The following TTC7A variants were observed in gnomAD, a reference collection of about 807,000 sequenced individuals.
TTC7A encodes tetratricopeptide repeat protein 7A.
TTC7A carries 110 observed loss-of-function variants against 103.7 expected under a neutral mutation model. The observed-to-expected ratio is 1.06, with a 90% confidence interval of 0.91 to 1.24. The LOEUF (loss-of-function observed/expected upper bound fraction) is 1.24, where lower values mean the gene tolerates loss of function less well. Among genes scored for constraint, TTC7A ranks in the 50% most tolerant of loss-of-function variants. The pLI is 0.00. For missense variants in TTC7A, 1,340 were observed against 1,116.3 expected (o/e 1.20, Z -2.86); for synonymous variants, 521 against 467.9 (o/e 1.11, Z -1.47).
At chr2:47,027,193 A>T (rs1001311080) in intron 14 of TTC7A, among the ~76,000 whole-genome samples, 2 of 152,118 alleles carry the variant, frequency 1.3e-5, no homozygotes, top group African/African-American at 4.8e-5. Flanking sequence ...TGTGGGGGAG[A>T]GGATTCCCTG....
At chr2:47,063,484 C>A (rs773043853) in intron 19 of TTC7A, among the ~76,000 whole-genome samples, 17 of 152,204 alleles carry the variant, frequency 1.1e-4, no homozygotes, top group Non-Finnish European at 1.8e-4. Context: ...TACTAGCTGT[C>A]ATTCTAGGTC....
At chr2:47,041,727 T>C (rs1681770490) in intron 15 of TTC7A, among the ~76,000 whole-genome samples, 1 of 143,802 alleles carries the variant, frequency 7.0e-6, no homozygotes, top group African/African-American at 2.6e-5. Flanking sequence ...CACTCCAGCC[T>C]AGGCAACAAG....
exon 1 of TTC7A, chr2:46,916,553 T>C (rs1668799681): frequency 6.5e-6 from 1 of 153,014 alleles, no homozygotes; most frequent in South Asian, 2.0e-4. Context: ...CTTACACCTG[T>C]GCTCCTATAC....
upstream of TTC7A, chr2:46,915,999 C>G: frequency 2.0e-6 from 2 of 985,456 alleles, no homozygotes; most frequent in Non-Finnish European, 2.4e-6. Flanking sequence ...CCAAGGGCGA[C>G]ACTCGGCTCC....
chr2:47,014,886 T>G (rs916293508), intron 11 of TTC7A, among the ~76,000 whole-genome samples: 1 of 152,362 alleles, frequency 6.6e-6, no homozygotes, highest in African/African-American at 2.4e-5. Flanking sequence ...TCTTCCCACA[T>G]CCTGTCCTCA....
chr2:47,067,382 C>G (rs559208087), intron 19 of TTC7A, among the ~76,000 whole-genome samples: 1 of 152,354 alleles, frequency 6.6e-6, no homozygotes, highest in South Asian at 2.1e-4. Flanking sequence ...GCCTGAGCCC[C>G]ACCTGGGACC....
intron 18 of TTC7A, among the ~76,000 whole-genome samples, chr2:47,055,494 C>G (rs902545813): frequency 6.6e-6 from 1 of 152,168 alleles, no homozygotes; most frequent in Non-Finnish European, 1.5e-5. Context: ...GGGAGAGGCA[C>G]AGAGTCCCAT....
rs1433014819 is a variant in TTC7A at position 46,999,859 on chromosome 2, G to A, written c.1065+4660G>A. On this transcript the variant is annotated intron_variant, in intron 8 of 19. Coordinates refer to ENST00000319190, the MANE Select transcript of TTC7A (RefSeq NM_020458.4). ...GTTGCTGCTGTTAGAAATGGAAAGG[G>A]TACAGAGCCCTGGTGTTGAGAGTGG... The A allele has an allele frequency of 4.1e-6, 4 of 985,330 alleles. No individual in the cohort carries two copies. In the East Asian group the frequency reaches 3.4e-4, roughly 84 times the overall value. The allele number at this position is 985,330 out of a possible 1,614,324, so 61.0% of individuals were successfully genotyped here.
chr2:47,010,262 G>C (rs1279323227), intron 10 of TTC7A, among the ~76,000 whole-genome samples: 2 of 152,114 alleles, frequency 1.3e-5, no homozygotes. Context: ...ATTCCACTCT[G>C]CTACTGTATC....
intron 5 of TTC7A, 26 bp from the exon 6 acceptor site, chr2:46,993,424 A>G: frequency 6.2e-7 from 1 of 1,613,248 alleles, no homozygotes; most frequent in Non-Finnish European, 8.5e-7. Context: ...CTGGTAACAA[A>G]TCTACTTCTG....
rs879845279 is a variant in TTC7A, at chr2:46,928,769, G to GA, written c.82+11503dup. Among the ~76,000 whole-genome samples, 1,262 of 133,320 alleles carry GA rather than the reference G, an allele frequency of 9.5e-3. 6 individuals are homozygous for GA. Among genetic ancestry groups the GA allele is most frequent in the Non-Finnish European group, 0.013 (786 of 60,818 alleles). 87.5% of individuals were successfully genotyped at this position (133,320 alleles called of 152,430 possible). A position where few individuals can be genotyped will look rare whatever the true frequency, so the allele number is the denominator to read the frequency against. Reference sequence around the variant, plus strand: ...TGGGTAATGTGAGACTGTTTCAAAAGAAAAAAAAAAAGTCCCACGTTTGAA... The same window carrying GA: ...TGGGTAATGTGAGACTGTTTCAAAAGAAAAAAAAAAAAGTCCCACGTTTGAA... On this transcript the variant is annotated intron_variant, in intron 2 of 20. Coordinates refer to the TTC7A transcript ENST00000409245.
At chr2:47,012,383 C>T (rs889656008) in intron 11 of TTC7A, among the ~76,000 whole-genome samples, 1 of 152,246 alleles carries the variant, frequency 6.6e-6, no homozygotes, top group Non-Finnish European at 1.5e-5. Context: ...CACATCTCCC[C>T]AGTTCCTTCA....
At chr2:46,954,791 A>G (rs1671705515) in intron 2 of TTC7A, among the ~76,000 whole-genome samples, 1 of 152,202 alleles carries the variant, frequency 6.6e-6, no homozygotes, top group Admixed American at 6.5e-5. Context: ...GGCTGGTCTC[A>G]AATTCCTGAT....
At chr2:46,935,422 T>C (rs1281449030) in intron 2 of TTC7A, among the ~76,000 whole-genome samples, 1 of 151,844 alleles carries the variant, frequency 6.6e-6, no homozygotes, top group Non-Finnish European at 1.5e-5. Context: ...GCAAAAAAAA[T>C]AAAAAAACAA....
rs778036529 is a variant in TTC7A, at chr2:46,995,241, C to T, written c.1065+42C>T. 1.6e-5 allele frequency: 25 copies of T among 1,605,668 alleles called. No individual in the cohort carries two copies. In the South Asian group the frequency reaches 2.7e-4, roughly 17 times the overall value. On this transcript the variant is annotated intron_variant, in intron 8 of 19. Coordinates refer to ENST00000319190, the MANE Select transcript of TTC7A (RefSeq NM_020458.4). Reference sequence around the variant, plus strand: ...CCTTCAGGGGCCTCTGGCCCTCTGACCCTGTGGGGAAGGGCTGTGGGGCCC... The same window carrying T: ...CCTTCAGGGGCCTCTGGCCCTCTGATCCTGTGGGGAAGGGCTGTGGGGCCC...
rs1670424471 is a variant in TTC7A, at chr2:46,941,804, G to A, written c.184+79G>A. 6.6e-7 allele frequency: 1 copy of A among 1,519,290 alleles called. No individual in the cohort carries two copies. Among genetic ancestry groups the A allele is most frequent in the Non-Finnish European group, 8.9e-7 (1 of 1,126,118 alleles). The allele number at this position is 1,519,290 out of a possible 1,614,324, so 94.1% of individuals were successfully genotyped here. On this transcript the variant is annotated intron_variant, in intron 1 of 19. Transcript: ENST00000319190. This position sits in a 1 kb window ranked among gnomAD's most constrained non-coding sequence, Gnocchi z 4.2. ...CTCCTCCAGGAAGCGCGCCCAGACAGTCCTCGGCCGACAGCGGGCGCCTGC... is the reference window on the plus strand; with the variant it reads ...CTCCTCCAGGAAGCGCGCCCAGACAATCCTCGGCCGACAGCGGGCGCCTGC...
chr2:46,970,868 G>A (rs1260014163), intron 3 of TTC7A, among the ~76,000 whole-genome samples: 2 of 152,242 alleles, frequency 1.3e-5, no homozygotes, highest in Non-Finnish European at 2.9e-5. Flanking sequence ...GGGCACCTGG[G>A]TCTTTGTGTT....
intron 15 of TTC7A, among the ~76,000 whole-genome samples, chr2:47,035,038 G>C (rs996943300): frequency 2.6e-5 from 4 of 152,226 alleles, no homozygotes; most frequent in African/African-American, 7.2e-5. Flanking sequence ...GGCTAACGTT[G>C]GAGCTCAAGG....
chr2:47,018,037 G>T (rs1250133588), intron 11 of TTC7A, among the ~76,000 whole-genome samples: 3 of 152,128 alleles, frequency 2.0e-5, no homozygotes, highest in Non-Finnish European at 4.4e-5. Flanking sequence ...AGCACTTTGG[G>T]AGGCCAAAGC....
Sources: allele counts gnomAD v4.1 joint callset (sites outside exome capture counted in the v4.1 genomes callset), GRCh38; gene constraint gnomAD v4.1.1; non-coding constraint Gnocchi (gnomAD v3.1); transcripts MANE v1.5; gene names NCBI Gene and HGNC (gene_info 2026-07-23, HGNC 2026-07-21).